The following ABHD5 variants were observed in gnomAD, a reference collection of about 807,000 sequenced individuals.
The protein encoded by ABHD5 is 1-acylglycerol-3-phosphate O-acyltransferase ABHD5.
In ABHD5, 30 loss-of-function variants were observed where a neutral mutation model predicts 44.9. The ratio of observed to expected loss-of-function variants is 0.67; its 90% CI spans 0.50 to 0.91. The LOEUF is 0.91. Ranked by LOEUF, ABHD5 falls within the 40% of genes least tolerant of loss-of-function variation. The probability of loss-of-function intolerance (pLI) is 0.00; values close to 1 mark genes in which losing one functional copy is unlikely to be tolerated. For missense variants in ABHD5, 399 were observed against 423.4 expected (o/e 0.94, Z 0.50); for synonymous variants, 167 against 147.0 (o/e 1.14, Z -0.99).
chr3:43,704,383 T>G (rs2084589355), intron 3 of ABHD5, among the ~76,000 whole-genome samples: 1 of 152,244 alleles, frequency 6.6e-6, no homozygotes, highest in South Asian at 2.1e-4. Flanking sequence ...GACAAACACC[T>G]ATTTGCATTT....
rs778042634 is a variant in ABHD5, at chr3:43,690,947, G to C, written c.-46G>C. ...CAGCCCGGGGCGGCCCAGTCGGCCT[G>C]TCAGCCGGCTTCGAGATAAGTCCCG... On this transcript the variant is annotated 5_prime_UTR_variant, in exon 1 of 7. Coordinates refer to ENST00000644371, the MANE Select transcript of ABHD5 (RefSeq NM_016006.6). The C allele has an allele frequency of 7.8e-6, 12 of 1,545,198 alleles. No individual in the cohort carries two copies. The African/African-American group carries it at 1.4e-4, about 18-fold the overall frequency.
chr3:43,704,438 A>T (rs994301527), intron 3 of ABHD5, among the ~76,000 whole-genome samples: 1 of 152,226 alleles, frequency 6.6e-6, no homozygotes, highest in Non-Finnish European at 1.5e-5. Flanking sequence ...GTACAAGTCA[A>T]CAGGGCTATT....
At position 43,711,821 on chromosome 3, in the gene ABHD5, C is replaced by G; in HGVS notation, c.619C>G (p.Pro207Ala). The G allele has an allele frequency of 2.5e-6, 4 of 1,614,194 alleles. No individual in the cohort carries two copies. The highest frequency in any genetic ancestry group is 3.4e-6 in the Non-Finnish European group (4 of 1,180,034). ...WIRALGAALT[P>A]FNPLAGLRIA... is the part of the protein sequence containing the mutation. ...CAGAGCCTTGGGAGCAGCATTGACT[C>G]CCTTTAACCCTTTAGCTGGCCTAAG... Residue 207 changes from proline to alanine, a missense_variant, in exon 4 of 7, where the codon CCC (proline) becomes GCC (alanine). Transcript: ENST00000644371.
chr3:43,695,773 A>G (rs1432739911), intron 1 of ABHD5, among the ~76,000 whole-genome samples: 1 of 152,184 alleles, frequency 6.6e-6, no homozygotes, highest in African/African-American at 2.4e-5. Context: ...TAAAAAGTTA[A>G]TGGAAAAAGT....
chr3:43,691,021 C>T lies in ABHD5; in HGVS notation c.29C>T (p.Ser10Phe). The change falls in exon 1 of 7, where the codon TCT becomes TTT. Residue 10 changes from serine (S) to phenylalanine (F), a missense_variant. Transcript: ENST00000644371. Reference sequence around the variant, plus strand: ...GCGGCGGAGGAGGAGGAGGTGGACTCTGCCGACACCGGAGAGAGGTAAGCG... The same window carrying T: ...GCGGCGGAGGAGGAGGAGGTGGACTTTGCCGACACCGGAGAGAGGTAAGCG... Reference protein sequence around the residue: MAAEEEEVDSADTGERSGWL... With the variant: MAAEEEEVDFADTGERSGWL... 4 of 1,564,400 alleles carry T rather than the reference C, an allele frequency of 2.6e-6. No homozygotes were observed. The highest frequency in any genetic ancestry group is 2.8e-5 in the African/African-American group (2 of 70,712).
intron 1 of ABHD5, among the ~76,000 whole-genome samples, chr3:43,698,940 A>G (rs1397977801): frequency 6.6e-6 from 1 of 151,932 alleles, no homozygotes; most frequent in African/African-American, 2.4e-5. Context: ...TTGCACTTCT[A>G]CCCCAATAAG....
downstream of ABHD5, among the ~76,000 whole-genome samples, chr3:43,725,589 A>G (rs1054578055): frequency 6.6e-6 from 1 of 152,214 alleles, no homozygotes; most frequent in Non-Finnish European, 1.5e-5. Flanking sequence ...AAAATTTAGA[A>G]TAACCCCATC....
chr3:43,713,132 A>G (rs983227281), intron 4 of ABHD5, among the ~76,000 whole-genome samples: 8 of 152,050 alleles, frequency 5.3e-5, no homozygotes, highest in Non-Finnish European at 1.0e-4. Context: ...CCCGGCCAAC[A>G]TGACAAAACC....
downstream of ABHD5, among the ~76,000 whole-genome samples, chr3:43,726,113 C>T (rs1024895697): frequency 6.6e-6 from 1 of 152,168 alleles, no homozygotes; most frequent in Admixed American, 6.5e-5. Flanking sequence ...ATCCGGCCAC[C>T]TTGGCCTCCC....
chr3:43,729,585 T>C (rs1232830728), intron 7 of ABHD5, among the ~76,000 whole-genome samples: 1 of 152,234 alleles, frequency 6.6e-6, no homozygotes, highest in African/African-American at 2.4e-5. Context: ...CTTCATAGTG[T>C]TGCCAAATAT....
At chr3:43,730,278 G>T (rs538334910) in intron 7 of ABHD5, among the ~76,000 whole-genome samples, 1 of 152,300 alleles carries the variant, frequency 6.6e-6, no homozygotes, top group East Asian at 1.9e-4. Context: ...GTTCACACCA[G>T]CCTTCTCCTG....
At position 43,715,313 on chromosome 3, in the gene ABHD5, A is replaced by G. The variant is rs181744312; in HGVS notation, c.773+255A>G. ...GTAGCTGGGATTACAGGCATGTGCC[A>G]CCACGCCCGGCTAATTATTTTGTAT... On this transcript the variant is annotated intron_variant, in intron 5 of 6. Coordinates refer to ENST00000644371, the MANE Select transcript of ABHD5 (RefSeq NM_016006.6). Among the ~76,000 whole-genome samples the G allele has an allele frequency of 1.9e-4, 29 of 152,230 alleles. No individual in the cohort carries two copies. The East Asian group carries it at 5.4e-3, about 28-fold the overall frequency.
At chr3:43,717,366 CAAA>C (rs898809814) in intron 5 of ABHD5, among the ~76,000 whole-genome samples, 7 of 151,818 alleles carry the variant, frequency 4.6e-5, no homozygotes, top group African/African-American at 1.5e-4. Flanking sequence ...TAAATAAGGA[CAAA>C]AAAACATATT....
In ABHD5 at chr3:43,709,657, T is replaced by G. The variant is rs143584543; in HGVS notation, c.507-2052T>G. On this transcript the variant is annotated intron_variant, in intron 3 of 6. Coordinates refer to ENST00000644371, the MANE Select transcript of ABHD5 (RefSeq NM_016006.6). ...GCTGTTTCTTAACATGAATCTTTGC[T>G]GCTTTCAACTAGGTGGCTGTCTCAT... is the stretch of plus-strand genomic sequence containing the variant. Among the ~76,000 whole-genome samples the G allele has an allele frequency of 3.5e-3, 528 of 152,344 alleles. 2 individuals carry two copies. The highest frequency in any genetic ancestry group is 0.012 in the African/African-American group (489 of 41,582).
downstream of ABHD5, among the ~76,000 whole-genome samples, chr3:43,725,651 G>A (rs57513220): frequency 6.6e-6 from 1 of 152,136 alleles, no homozygotes; most frequent in Non-Finnish European, 1.5e-5. Context: ...GGGGTCACTT[G>A]GCTAACAGAT....
In ABHD5 at chr3:43,721,256, T is replaced by C. The variant is rs982463074; in HGVS notation, c.*2724T>C. 3.9e-5 allele frequency: 6 copies of C among 152,074 alleles called. No individual in the cohort carries two copies. The highest frequency in any genetic ancestry group is 3.2e-3 in the Middle Eastern group (1 of 316). The allele number at this position is 152,074 out of a possible 1,614,324, so 9.4% of individuals were successfully genotyped here. A position where few individuals can be genotyped will look rare whatever the true frequency, so the allele number is the denominator to read the frequency against. ...AACCATTTGGAAAAAAAAATAAAAT[T>C]GAATCGATTTCTCACAGGATACACA... On this transcript the variant is annotated 3_prime_UTR_variant, in exon 7 of 7. Transcript: ENST00000644371.
At chr3:43,715,849 G>A (rs113957586) in intron 5 of ABHD5, among the ~76,000 whole-genome samples, 3 of 152,118 alleles carry the variant, frequency 2.0e-5, no homozygotes, top group African/African-American at 7.2e-5. Context: ...ATACCGAAGG[G>A]TATTGAATCT....
intron 1 of ABHD5, among the ~76,000 whole-genome samples, chr3:43,696,237 C>T (rs2084472999): frequency 6.6e-6 from 1 of 152,202 alleles, no homozygotes; most frequent in South Asian, 2.1e-4. Flanking sequence ...GTGTTTATTG[C>T]TTGTCTCCTT....
intron 5 of ABHD5, among the ~76,000 whole-genome samples, chr3:43,716,556 GCCTCAGT>G (rs2084765482): frequency 6.6e-6 from 1 of 152,116 alleles, no homozygotes; most frequent in Admixed American, 6.5e-5. Context: ...GGTAGCTGTA[GCCTCAGT>G]CTTTTTAATA....
Sources: gnomAD v4.1 joint callset for allele counts (sites outside exome capture counted in the v4.1 genomes callset) on GRCh38, gnomAD v4.1.1 for gene constraint, MANE v1.5 for transcripts, NCBI Gene and HGNC (gene_info 2026-07-23, HGNC 2026-07-21) for gene names.